The following GRSF1 variants were observed in gnomAD, a reference collection of about 807,000 sequenced individuals.
GRSF1 encodes the protein G-rich RNA sequence binding factor 1, also known as G-rich sequence factor 1.
In GRSF1, 50 loss-of-function variants were observed where a neutral mutation model predicts 51.1. The observed-to-expected ratio is 0.98, with a 90% CI of 0.78 to 1.24. The LOEUF (loss-of-function observed/expected upper bound fraction) is 1.24. GRSF1 is among the 50% of genes most tolerant of loss of function. The pLI, the probability that GRSF1 is intolerant of heterozygous loss-of-function variation, is 0.00. For synonymous variants in GRSF1, 293 were observed against 253.3 expected (o/e 1.16, Z -1.49); for missense variants, 700 against 639.7 (o/e 1.09, Z -1.02).
chr4:70,838,585 G>GA (rs1487535257), intron 1 of GRSF1, among the ~76,000 whole-genome samples: 1 of 152,128 alleles, frequency 6.6e-6, no homozygotes, highest in Non-Finnish European at 1.5e-5. Flanking sequence ...ATGACCTAAG[G>GA]AATCAGGGGC....
At chr4:70,827,244 C>A (rs1416988581) in intron 6 of GRSF1, among the ~76,000 whole-genome samples, 1 of 150,354 alleles carries the variant, frequency 6.7e-6, no homozygotes, top group Non-Finnish European at 1.5e-5. Flanking sequence ...GCCGAGAGTG[C>A]GCCACTGCAC....
rs1733308984 is a variant in GRSF1 at position 70,816,393 on chromosome 4, A to G, written c.*4494T>C. On this transcript the variant is annotated 3_prime_UTR_variant, in exon 10 of 10. Transcript: ENST00000254799. Reference sequence around the variant, plus strand: ...AAAAACCTCATCAAATGATACACTTAACATTTATTCACCTTACTGCAAATC... The same window carrying G: ...AAAAACCTCATCAAATGATACACTTGACATTTATTCACCTTACTGCAAATC... The G allele has an allele frequency of 6.6e-6, 1 of 151,816 alleles. No homozygotes were observed. The highest frequency in any genetic ancestry group is 1.5e-5 in the Non-Finnish European group (1 of 68,022). The allele number at this position is 151,816 out of a possible 1,614,324, so 9.4% of individuals were successfully genotyped here. A position where few individuals can be genotyped will look rare whatever the true frequency, so the allele number is the denominator to read the frequency against.
At position 70,839,871 on chromosome 4, in the gene GRSF1, A is replaced by G; in HGVS notation, c.-44T>C. 4 of 1,429,216 alleles carry G rather than the reference A, an allele frequency of 2.8e-6. No individual in the cohort carries two copies. The highest frequency in any genetic ancestry group is 1.4e-5 in the South Asian group (1 of 70,730). 88.5% of individuals were successfully genotyped at this position (1,429,216 alleles called of 1,614,324 possible). A position where few individuals can be genotyped will look rare whatever the true frequency, so the allele number is the denominator to read the frequency against. On this transcript the variant is annotated 5_prime_UTR_variant, in exon 1 of 10. Coordinates refer to ENST00000254799, the MANE Select transcript of GRSF1 (RefSeq NM_002092.4). ...AGGGCCTGAAGGCAGCTGCTCCAGC[A>G]GCGATGGTGGAACGGAAGTGGAATC... is the stretch of plus-strand genomic sequence containing the variant.
intron 1 of GRSF1, among the ~76,000 whole-genome samples, chr4:70,836,910 T>G (rs1343252210): frequency 6.6e-6 from 1 of 152,142 alleles, no homozygotes; most frequent in Non-Finnish European, 1.5e-5. Flanking sequence ...AGCAATTAAT[T>G]CCAACTGTTT....
At chr4:70,839,423 G>A (rs1003214581) in intron 1 of GRSF1, 48 bp downstream of exon 1, 39 of 1,506,210 alleles carry the variant, frequency 2.6e-5, no homozygotes, top group African/African-American at 4.2e-5. Context: ...GCGCGTGCAC[G>A]CGGCCCGGGA....
chr4:70,842,032 G>A (rs1734470369), upstream of GRSF1, among the ~76,000 whole-genome samples: 1 of 152,164 alleles, frequency 6.6e-6, no homozygotes, highest in African/African-American at 2.4e-5. Context: ...AGCCTGGCTG[G>A]GAGAGGGGGT....
At chr4:70,824,878 G>A (rs1297296563) in intron 8 of GRSF1, among the ~76,000 whole-genome samples, 1 of 151,994 alleles carries the variant, frequency 6.6e-6, no homozygotes, top group African/African-American at 2.4e-5. Context: ...CGAGGCAGGT[G>A]GACCATTTGA....
intron 1 of GRSF1, among the ~76,000 whole-genome samples, chr4:70,837,495 T>TA (rs1734262338): frequency 7.9e-6 from 1 of 126,426 alleles, no homozygotes; most frequent in Non-Finnish European, 1.6e-5. Flanking sequence ...ACCCGGGAGG[T>TA]AGAGGTTTCA....
chr4:70,831,889 A>G (rs1673636996), intron 4 of GRSF1, among the ~76,000 whole-genome samples: 1 of 146,482 alleles, frequency 6.8e-6, no homozygotes, highest in African/African-American at 2.5e-5. Context: ...GCCCACCCAA[A>G]ACATACAATT....
chr4:70,827,237 G>A (rs1016770282), intron 6 of GRSF1, among the ~76,000 whole-genome samples: 2 of 149,952 alleles, frequency 1.3e-5, no homozygotes, highest in Non-Finnish European at 3.0e-5. Context: ...GCAGTGAGCC[G>A]AGAGTGCGCC....
chr4:70,837,997 A>T (rs186655115), intron 1 of GRSF1, among the ~76,000 whole-genome samples: 2 of 151,538 alleles, frequency 1.3e-5, no homozygotes, highest in African/African-American at 4.8e-5. Context: ...TTTGGGAGGC[A>T]GAGGCGGGCG....
upstream of GRSF1, chr4:70,840,029 A>G (rs1331914430): frequency 1.8e-5 from 9 of 500,324 alleles, no homozygotes; most frequent in African/African-American, 1.2e-4. Context: ...GGGGCTGCCC[A>G]TGGTTTGGGC....
chr4:70,827,801 C>A, intron 6 of GRSF1, 51 bp downstream of exon 6: 3 of 1,362,664 alleles, frequency 2.2e-6, no homozygotes, highest in Non-Finnish European at 2.0e-6. Flanking sequence ...TCACAAAACC[C>A]AAAACATTCA....
At position 70,836,129 on chromosome 4, in the gene GRSF1, T is replaced by A. The variant is rs189334170; in HGVS notation, c.514+29A>T. 1,177 of 1,299,596 alleles carry A rather than the reference T, an allele frequency of 9.1e-4. 4 individuals are homozygous for A. The highest frequency in any genetic ancestry group is 4.0e-3 in the East Asian group (138 of 34,836). The allele number at this position is 1,299,596 out of a possible 1,614,324, so 80.5% of individuals were successfully genotyped here. ...TGAGAAACAATATAAGGAAAAAAAA[T>A]AAATAAATAAAACATACATAAAATA... On this transcript the variant is annotated intron_variant, in intron 2 of 9. Coordinates refer to ENST00000254799, the MANE Select transcript of GRSF1 (RefSeq NM_002092.4).
intron 1 of GRSF1, 199 bp downstream of exon 1, chr4:70,839,272 G>A (rs773897208): frequency 7.4e-6 from 11 of 1,491,254 alleles, no homozygotes; most frequent in Non-Finnish European, 9.8e-6. Context: ...AAAACAAGCA[G>A]AAGACCCGAC....
chr4:70,826,728 G>C (rs1282065635), intron 6 of GRSF1, among the ~76,000 whole-genome samples: 1 of 152,020 alleles, frequency 6.6e-6, no homozygotes, highest in South Asian at 2.1e-4. Flanking sequence ...CATGCCTATA[G>C]TTCCAGCTAC....
At chr4:70,840,717 C>G (rs559536285), upstream of GRSF1, among the ~76,000 whole-genome samples, 1 of 152,082 alleles carries the variant, frequency 6.6e-6, no homozygotes, top group African/African-American at 2.4e-5. Flanking sequence ...GAGCCAAGAT[C>G]GTGCCACCGC....
At chr4:70,838,311 C>T (rs4694345) in intron 1 of GRSF1, among the ~76,000 whole-genome samples, 143,002 of 151,732 alleles carry the variant, frequency 0.94, 67,603 homozygotes, top group Non-Finnish European at 0.99. Flanking sequence ...CAGATATCAC[C>T]GCAGTCAATT....
intron 1 of GRSF1, 74 bp from the exon 2 acceptor site, chr4:70,836,388 T>G (rs1370772198): frequency 1.8e-6 from 2 of 1,107,816 alleles, no homozygotes; most frequent in Non-Finnish European, 2.5e-6. Flanking sequence ...TCTTAGAAAA[T>G]GTTTATTCTA....
Sources: gnomAD v4.1 joint callset for allele counts (sites outside exome capture counted in the v4.1 genomes callset) on GRCh38, gnomAD v4.1.1 for gene constraint, MANE v1.5 for transcripts, NCBI Gene and HGNC (gene_info 2026-07-23, HGNC 2026-07-21) for gene names.